Variants in TPCN1 observed in about 807,000 individuals in gnomAD.
TPCN1 encodes the protein two pore segment channel 1, also known as two pore channel protein 1.
Under a neutral mutation model 108.8 loss-of-function variants are expected in TPCN1, and 52 were observed. The observed-to-expected ratio is 0.48, with a 90% confidence interval of 0.38 to 0.60. TPCN1 has a LOEUF of 0.60. Ranked by LOEUF, TPCN1 falls within the 20% of genes least tolerant of loss-of-function variation. The pLI, the probability that TPCN1 is intolerant of heterozygous loss-of-function variation, is 0.00. For missense variants in TPCN1, 806 were observed against 1,072.8 expected, an observed-to-expected ratio of 0.75 and a Z score of 3.47; for synonymous variants, 446 against 433.7, an observed-to-expected ratio of 1.03 and a Z score of -0.35.
Position 113,266,471 on chromosome 12 carries a change from A to T in TPCN1, c.414+115A>T, listed in dbSNP as rs1162964904. 12 of 1,391,492 alleles carry T rather than the reference A, an allele frequency of 8.6e-6. No homozygotes were observed. In the East Asian group the frequency reaches 2.7e-4, roughly 32 times the overall value. The allele number at this position is 1,391,492 out of a possible 1,614,324, so 86.2% of individuals were successfully genotyped here. Reference sequence around the variant, plus strand: ...CAAACACTGCAAACGGACTTAAAACAGAGAGATACGAGGTGGTCATAGAGG... The same window carrying T: ...CAAACACTGCAAACGGACTTAAAACTGAGAGATACGAGGTGGTCATAGAGG... On this transcript the variant is annotated intron_variant, in intron 4 of 27. Transcript: ENST00000335509. This position sits in a 1 kb window ranked among gnomAD's most constrained non-coding sequence, Gnocchi z 4.2.
rs144413986 is a variant in TPCN1 at position 113,251,401 on chromosome 12, C to T, written c.113-8967C>T. On this transcript the variant is annotated intron_variant, in intron 2 of 27. Transcript: ENST00000335509. ...TCTCTAAAACTAAAGCCCTCTGTGC[C>T]GGTCCCTCATTTCTAGTTATTACAA... 5.3e-3 allele frequency among the ~76,000 whole-genome samples: 807 copies of T among 152,314 alleles called. 9 individuals carry two copies. The highest frequency in any genetic ancestry group is 0.018 in the African/African-American group (762 of 41,570).
At chr12:113,286,423 C>A (rs1044843891) in intron 18 of TPCN1, among the ~76,000 whole-genome samples, 1 of 152,142 alleles carries the variant, frequency 6.6e-6, no homozygotes, top group East Asian at 1.9e-4. Context: ...GGTCTTGGGC[C>A]GCGAGGGTGA....
At chr12:113,236,569 T>C (rs571381899) in intron 2 of TPCN1, among the ~76,000 whole-genome samples, 1 of 150,900 alleles carries the variant, frequency 6.6e-6, no homozygotes, top group East Asian at 2.0e-4. Flanking sequence ...GTCGAGATTG[T>C]CACTGCACTC....
chr12:113,270,300 A>G (rs985533303), intron 7 of TPCN1, among the ~76,000 whole-genome samples: 3 of 152,120 alleles, frequency 2.0e-5, no homozygotes, highest in African/African-American at 7.2e-5. Flanking sequence ...GCTTATAAAC[A>G]ACAGAAGTTT....
At position 113,284,827 on chromosome 12, in the gene TPCN1, CT is replaced by C; in HGVS notation, c.1453+59del. On this transcript the variant is annotated intron_variant, in intron 17 of 27. Transcript: ENST00000335509. This position sits in a 1 kb window ranked among gnomAD's most constrained non-coding sequence, Gnocchi z 4.1. ...CTTGTTTTAAAATTGTCTGGGAGAA[CT>C]TTCATTCAGTGTAGAACCTCATGGT... The C allele has an allele frequency of 6.3e-7, 1 of 1,580,906 alleles. No individual in the cohort carries two copies. Among genetic ancestry groups the C allele is most frequent in the Non-Finnish European group, 8.7e-7 (1 of 1,149,780 alleles).
intron 22 of TPCN1, among the ~76,000 whole-genome samples, chr12:113,290,676 C>T (rs1483263046): frequency 6.6e-6 from 1 of 152,062 alleles, no homozygotes; most frequent in African/African-American, 2.4e-5. Flanking sequence ...CCCCATGACA[C>T]CCCAGATCTG....
In TPCN1 at chr12:113,256,531, G is replaced by A. The variant is rs150008991; in HGVS notation, c.113-3837G>A. On this transcript the variant is annotated intron_variant, in intron 2 of 27. Transcript: ENST00000335509. ...ATAAAGCCTCAGTAACCAAGACATC[G>A]AGGTATTGATGTGAAATCTTTGTTT... is the stretch of plus-strand genomic sequence containing the variant. Among the ~76,000 whole-genome samples the A allele has an allele frequency of 2.9e-4, 44 of 152,226 alleles. 2 individuals carry two copies. The highest frequency in any genetic ancestry group is 1.0e-3 in the African/African-American group (42 of 41,532).
At position 113,296,992 on chromosome 12, in the gene TPCN1, G is replaced by A. The variant is rs1956448954; in HGVS notation, c.*916G>A. On this transcript the variant is annotated 3_prime_UTR_variant, in exon 28 of 28. Transcript: ENST00000335509. ...CAGGTCCTTCACACGTGTGCACTAG[G>A]AACAGGAGCGAACAGCACAGAGAGA... The A allele has an allele frequency of 6.6e-6, 1 of 152,260 alleles. No individual in the cohort carries two copies. The highest frequency in any genetic ancestry group is 1.5e-5 in the Non-Finnish European group (1 of 68,080). 9.4% of individuals were successfully genotyped at this position (152,260 alleles called of 1,614,324 possible).
Position 113,268,308 on chromosome 12 carries a change from C to G in TPCN1, c.528+352C>G, listed in dbSNP as rs1431444231. Among the ~76,000 whole-genome samples, 1 of 152,220 alleles carries G rather than the reference C, an allele frequency of 6.6e-6. No individual in the cohort carries two copies. Among genetic ancestry groups the G allele is most frequent in the Non-Finnish European group, 1.5e-5 (1 of 68,050 alleles). ...CTGTCCCTAGTGTTGCGCATATTCT[C>G]TCTGTGCCACAGAGAGTGGCATGAG... is the stretch of plus-strand genomic sequence containing the variant. On this transcript the variant is annotated intron_variant, in intron 5 of 27. Transcript: ENST00000335509. This position sits in a 1 kb window ranked among gnomAD's most constrained non-coding sequence, Gnocchi z 7.3.
In TPCN1 at chr12:113,267,944, G is replaced by A; in HGVS notation, c.516G>A (p.Arg172=). Residue 172 remains arginine, a synonymous_variant, in exon 5 of 28, where the codon CGG becomes CGA. Coordinates refer to ENST00000335509, the MANE Select transcript of TPCN1 (RefSeq NM_017901.6). ...TCCACACCTTCATCCGGCACAAGCG[G>A]ACCATGGTCAAGGTGATGTGTCCGC... ...LGLHTFIRHK[R]TMVKTSVLVV... 6.2e-7 allele frequency: 1 copy of A among 1,612,906 alleles called. No individual in the cohort carries two copies. Among genetic ancestry groups the A allele is most frequent in the Admixed American group, 1.7e-5 (1 of 59,902 alleles).
chr12:113,223,031 A>G (rs1710519958), intron 1 of TPCN1, among the ~76,000 whole-genome samples: 1 of 152,240 alleles, frequency 6.6e-6, no homozygotes, highest in African/African-American at 2.4e-5. Flanking sequence ...AAACGACAAT[A>G]CAACCATAAT....
At chr12:113,293,571 C>T (rs973903612) in intron 27 of TPCN1, among the ~76,000 whole-genome samples, 10 of 152,310 alleles carry the variant, frequency 6.6e-5, no homozygotes, top group African/African-American at 1.4e-4. Flanking sequence ...GCCTGCCTGC[C>T]GCCATATGTC....
rs1956251800 is a variant in TPCN1, at chr12:113,291,107, G to T, written c.1959+109G>T. On this transcript the variant is annotated intron_variant, in intron 23 of 27. Coordinates refer to ENST00000335509, the MANE Select transcript of TPCN1 (RefSeq NM_017901.6). ...TCTTCCCGTAGCTTGCAGGGCTGGG[G>T]GTCTTGAGTCATGCTGTGTTGGTGT... 16 of 1,093,590 alleles carry T rather than the reference G, an allele frequency of 1.5e-5. No homozygotes were observed. The South Asian group carries it at 1.8e-4, about 12-fold the overall frequency. 67.7% of individuals were successfully genotyped at this position (1,093,590 alleles called of 1,614,324 possible). A position where few individuals can be genotyped will look rare whatever the true frequency, so the allele number is the denominator to read the frequency against.
chr12:113,266,404 A>G lies in TPCN1; in HGVS notation c.414+48A>G, dbSNP rs371607529. The G allele has an allele frequency of 3.3e-5, 52 of 1,589,790 alleles. No homozygotes were observed. The African/African-American group carries it at 6.8e-4, about 21-fold the overall frequency. ...CGGGGGGCTGGGAGCCACGGCTTTC[A>G]GGGCAAGCGATGGAACTCCAAAAAG... is the stretch of plus-strand genomic sequence containing the variant. On this transcript the variant is annotated intron_variant, in intron 4 of 27. Coordinates refer to ENST00000335509, the MANE Select transcript of TPCN1 (RefSeq NM_017901.6). The surrounding 1 kb of genome is among the most constrained non-coding windows in gnomAD (Gnocchi z 4.2).
At chr12:113,259,296 TC>T (rs1343285991) in intron 2 of TPCN1, among the ~76,000 whole-genome samples, 2 of 152,182 alleles carry the variant, frequency 1.3e-5, no homozygotes, top group Non-Finnish European at 2.9e-5. Flanking sequence ...AGATTCTTTA[TC>T]TTCCTTCGGG....
At chr12:113,253,293 T>C (rs1457681060) in intron 2 of TPCN1, among the ~76,000 whole-genome samples, 1 of 152,246 alleles carries the variant, frequency 6.6e-6, no homozygotes, top group African/African-American at 2.4e-5. Flanking sequence ...CTTGGCAGGA[T>C]TGTTGTAAGA....
Position 113,235,351 on chromosome 12 carries a change from G to A in TPCN1, c.112+8387G>A, listed in dbSNP as rs76146205. On this transcript the variant is annotated intron_variant, in intron 2 of 27. Coordinates refer to ENST00000335509, the MANE Select transcript of TPCN1 (RefSeq NM_017901.6). ...ATGGAGTGCTCATTCTACATTCTCC[G>A]TTCTTATCTTCATCCTATGCAACTT... Among the ~76,000 whole-genome samples the A allele has an allele frequency of 6.7e-3, 1,021 of 152,100 alleles. 45 individuals carry two copies. The East Asian group carries it at 0.14, about 21-fold the overall frequency.
At chr12:113,255,750 G>A (rs796104579) in intron 2 of TPCN1, among the ~76,000 whole-genome samples, 5 of 150,094 alleles carry the variant, frequency 3.3e-5, no homozygotes, top group African/African-American at 4.9e-5. Context: ...GGGTGGTCTC[G>A]AACTCCTAAG....
intron 27 of TPCN1, among the ~76,000 whole-genome samples, chr12:113,293,868 C>T (rs182094937): frequency 1.9e-4 from 29 of 152,268 alleles, no homozygotes; most frequent in Non-Finnish European, 3.7e-4. Context: ...GATGGAGTCT[C>T]GCTCTGTCTC....
Sources: gnomAD v4.1 joint callset for allele counts (sites outside exome capture counted in the v4.1 genomes callset) on GRCh38, gnomAD v4.1.1 for gene constraint, Gnocchi (gnomAD v3.1) non-coding constraint, MANE v1.5 for transcripts, NCBI Gene and HGNC (gene_info 2026-07-23, HGNC 2026-07-21) for gene names.